The following UCHL5 variants were observed in gnomAD, a reference collection of about 807,000 sequenced individuals.
UCHL5 encodes the protein ubiquitin carboxyl-terminal hydrolase isozyme L5.
UCHL5 carries 34 observed loss-of-function variants against 53.8 expected under a neutral mutation model. The observed-to-expected ratio is 0.63, with a 90% CI of 0.48 to 0.84. The LOEUF is 0.84. UCHL5 is among the 40% of genes least tolerant of loss of function. UCHL5 has a pLI of 0.00. For synonymous variants in UCHL5, 111 were observed against 126.3 expected (o/e 0.88, Z 0.81); for missense variants, 290 against 385.6 (o/e 0.75, Z 2.08).
At chr1:193,049,034 A>G (rs1668201482) in intron 3 of UCHL5, among the ~76,000 whole-genome samples, 1 of 152,088 alleles carries the variant, frequency 6.6e-6, no homozygotes, top group South Asian at 2.1e-4. Context: ...GACCACAGGC[A>G]CGCCACCACC....
intron 7 of UCHL5, among the ~76,000 whole-genome samples, chr1:193,025,624 T>C (rs1160221593): frequency 1.3e-5 from 2 of 152,148 alleles, no homozygotes; most frequent in African/African-American, 4.8e-5. Context: ...CCTTATTCCA[T>C]TTCAGTTGTC....
intron 10 of UCHL5, among the ~76,000 whole-genome samples, chr1:193,016,778 T>C (rs904157902): frequency 1.3e-5 from 2 of 151,866 alleles, no homozygotes; most frequent in African/African-American, 4.8e-5. Context: ...CATTAGTTTC[T>C]GCAAATGTGA....
At chr1:193,045,761 G>A (rs145004050) in intron 3 of UCHL5, among the ~76,000 whole-genome samples, 304 of 152,198 alleles carry the variant, frequency 2.0e-3, no homozygotes, top group Non-Finnish European at 2.9e-3. Context: ...TATGTCTAAA[G>A]CAGAGATTAC....
intron 10 of UCHL5, chr1:193,020,501 A>G (rs1333381130): frequency 1.4e-6 from 2 of 1,443,526 alleles, no homozygotes; most frequent in Non-Finnish European, 1.8e-6. Flanking sequence ...GTATCCACTG[A>G]TGTTCACTTT....
intron 9 of UCHL5, among the ~76,000 whole-genome samples, chr1:193,021,722 C>T (rs1657078836): frequency 6.6e-6 from 1 of 152,142 alleles, no homozygotes; most frequent in African/African-American, 2.4e-5. Flanking sequence ...TATATTCTGC[C>T]TGGTAGAAGT....
intron 10 of UCHL5, among the ~76,000 whole-genome samples, chr1:193,019,362 G>A (rs1310971217): frequency 6.6e-6 from 1 of 151,546 alleles, no homozygotes; most frequent in Non-Finnish European, 1.5e-5. Flanking sequence ...CAGAGTGCCT[G>A]GAATATCCTC....
intron 3 of UCHL5, among the ~76,000 whole-genome samples, chr1:193,043,169 A>AAAAAAAAAAAAAC (rs1558122949): frequency 6.8e-6 from 1 of 147,712 alleles, no homozygotes; most frequent in African/African-American, 2.5e-5. Context: ...AAAAAAAAAA[A>AAAAAAAAAAAAAC]AAAAAAACCA....
chr1:193,052,713 A>G (rs1669445767), intron 1 of UCHL5, among the ~76,000 whole-genome samples: 1 of 152,200 alleles, frequency 6.6e-6, no homozygotes, highest in Non-Finnish European at 1.5e-5. Flanking sequence ...AATGTAGAAG[A>G]TAATTTAATT....
rs111500245 is a variant in UCHL5, at chr1:193,028,146, C to T, written c.568G>A (p.Ala190Thr). Residue 190 changes from alanine (A) to threonine (T), a missense_variant and splice_region_variant, in exon 7 of 11, where the codon GCA becomes ACA. Coordinates refer to ENST00000367454, the MANE Select transcript of UCHL5 (RefSeq NM_001199261.3). ...CTGATCCAATCATCTTGATTGCATG[C>T]ACCTAGAAAGAAATTTTAAAACAGT... ...GLREGPIDLG[A>T]CNQDDWISAV... 2.0e-5 allele frequency: 32 copies of T among 1,586,948 alleles called. No homozygotes were observed. The highest frequency in any genetic ancestry group is 2.7e-5 in the Non-Finnish European group (31 of 1,169,642).
At chr1:193,042,961 A>G (rs1666088355) in intron 3 of UCHL5, among the ~76,000 whole-genome samples, 2 of 151,996 alleles carry the variant, frequency 1.3e-5, no homozygotes, top group Admixed American at 6.6e-5. Flanking sequence ...ACAAGCATAC[A>G]TGTGACACAG....
rs778950653 is a variant in UCHL5 at position 193,027,903 on chromosome 1, G to A, written c.629+182C>T. On this transcript the variant is annotated intron_variant, in intron 7 of 10. Coordinates refer to ENST00000367454, the MANE Select transcript of UCHL5 (RefSeq NM_001199261.3). ...TTTGGGAGGTCGAGGCAGGCGGATG[G>A]CTTGAGCTCAGGAGTCTGAGACCAG... The A allele has an allele frequency of 5.1e-4, 753 of 1,477,822 alleles. 1 individual carries two copies. The highest frequency in any genetic ancestry group is 6.6e-4 in the Non-Finnish European group (734 of 1,115,260). 91.5% of individuals were successfully genotyped at this position (1,477,822 alleles called of 1,614,324 possible).
At chr1:193,058,191 C>G (rs1051875193) in intron 1 of UCHL5, among the ~76,000 whole-genome samples, 1 of 151,934 alleles carries the variant, frequency 6.6e-6, no homozygotes, top group Non-Finnish European at 1.5e-5. Flanking sequence ...CGCGCCACTG[C>G]ACTCCAGCCT....
chr1:193,059,831 G>C (rs1373393387), upstream of UCHL5: 1 of 1,358,402 alleles, frequency 7.4e-7, no homozygotes, highest in Non-Finnish European at 9.8e-7. The surrounding 1 kb of genome is among the most constrained non-coding windows in gnomAD (Gnocchi z 4.9). Context: ...CCAGGGACGC[G>C]CAAATTCTGA....
intron 3 of UCHL5, among the ~76,000 whole-genome samples, chr1:193,037,231 T>C (rs1015177332): frequency 4.6e-5 from 7 of 150,946 alleles, no homozygotes; most frequent in African/African-American, 7.3e-5. Flanking sequence ...GTAAACAAAA[T>C]TGACAAACCT....
chr1:193,017,053 C>CA (rs1655111881), intron 10 of UCHL5, among the ~76,000 whole-genome samples: 1 of 151,730 alleles, frequency 6.6e-6, no homozygotes, highest in Non-Finnish European at 1.5e-5. Flanking sequence ...CAATACAGAT[C>CA]AAAGACATAT....
intron 7 of UCHL5, 188 bp downstream of exon 7, chr1:193,027,897 C>G (rs775512211): frequency 6.8e-7 from 1 of 1,473,410 alleles, no homozygotes. Context: ...TCGAGGCAGG[C>G]GGATGGCTTG....
At chr1:193,018,168 A>C (rs1397629120) in intron 10 of UCHL5, among the ~76,000 whole-genome samples, 6 of 151,546 alleles carry the variant, frequency 4.0e-5, no homozygotes, top group Non-Finnish European at 7.4e-5. Flanking sequence ...ATAGAAAAAG[A>C]TCTGAAGCTT....
chr1:193,018,175 GCTTA>G (rs1298003483), intron 10 of UCHL5, among the ~76,000 whole-genome samples: 3 of 151,432 alleles, frequency 2.0e-5, no homozygotes, highest in Non-Finnish European at 4.4e-5. Flanking sequence ...AAGATCTGAA[GCTTA>G]CTTATTACCA....
chr1:193,035,254 A>T (rs1662941562), intron 3 of UCHL5, among the ~76,000 whole-genome samples: 1 of 152,096 alleles, frequency 6.6e-6, no homozygotes, highest in South Asian at 2.1e-4. Context: ...CAACCTAAAA[A>T]ATAAAACTAC....
Sources: allele counts gnomAD v4.1 joint callset (sites outside exome capture counted in the v4.1 genomes callset), GRCh38; gene constraint gnomAD v4.1.1; non-coding constraint Gnocchi (gnomAD v3.1); transcripts MANE v1.5; gene names NCBI Gene and HGNC (gene_info 2026-07-23, HGNC 2026-07-21).